CDH13: variants seen among roughly 807,000 people sequenced by gnomAD.
The protein encoded by CDH13 is cadherin-13.
In CDH13, 24 loss-of-function variants were observed where a neutral mutation model predicts 63.8. That is an observed-to-expected ratio of 0.38 (90% CI 0.27 to 0.53). The LOEUF (loss-of-function observed/expected upper bound fraction) is 0.53, where lower values mean the gene tolerates loss of function less well. Among genes scored for constraint, CDH13 ranks in the 20% least tolerant of loss-of-function variants. The probability of loss-of-function intolerance (pLI) is 0.85; values close to 1 mark genes in which losing one functional copy is unlikely to be tolerated. For synonymous variants in CDH13, 503 were observed against 355.3 expected (o/e 1.42, Z -4.67); for missense variants, 1,049 against 903.1 (o/e 1.16, Z -2.07).
chr16:82,781,426 T>A (rs1441353589), intron 1 of CDH13, among the ~76,000 whole-genome samples: 1 of 152,122 alleles, frequency 6.6e-6, no homozygotes, highest in African/African-American at 2.4e-5. Flanking sequence ...TTGTGTACAT[T>A]GGCAACTTGA....
At chr16:83,072,495 C>G (rs1055774671) in intron 3 of CDH13, among the ~76,000 whole-genome samples, 4 of 152,194 alleles carry the variant, frequency 2.6e-5, no homozygotes, top group African/African-American at 9.7e-5. Flanking sequence ...TGCCTGTCCT[C>G]TCTGCAACCA....
intron 5 of CDH13, among the ~76,000 whole-genome samples, chr16:83,295,312 G>C (rs958220900): frequency 2.0e-5 from 3 of 152,114 alleles, no homozygotes; most frequent in Admixed American, 6.6e-5. Context: ...CATGACATTG[G>C]TCTAGGCAAG....
At chr16:83,470,690 G>A (rs80195234) in intron 6 of CDH13, among the ~76,000 whole-genome samples, 15,189 of 152,058 alleles carry the variant, frequency 0.1, 960 homozygotes, top group Admixed American at 0.19. Context: ...ACAACCACAG[G>A]CTCAGCAGAT....
intron 3 of CDH13, among the ~76,000 whole-genome samples, chr16:83,094,612 G>C (rs559982785): frequency 6.6e-6 from 1 of 152,154 alleles, no homozygotes; most frequent in Non-Finnish European, 1.5e-5. Flanking sequence ...TTAGTTTATA[G>C]CTGTCAGCCT....
intron 10 of CDH13, among the ~76,000 whole-genome samples, chr16:83,723,315 G>T (rs1360915427): frequency 6.6e-6 from 1 of 152,196 alleles, no homozygotes; most frequent in Non-Finnish European, 1.5e-5. Context: ...AGAAGTAAAA[G>T]CTTGGAAGGT....
At chr16:83,726,994 C>G (rs929904886) in intron 10 of CDH13, among the ~76,000 whole-genome samples, 6 of 152,162 alleles carry the variant, frequency 3.9e-5, no homozygotes, top group African/African-American at 1.4e-4. Context: ...AGTTATCTTT[C>G]CCATGTATAA....
At chr16:83,175,016 T>C (rs146857546) in intron 4 of CDH13, among the ~76,000 whole-genome samples, 79 of 152,144 alleles carry the variant, frequency 5.2e-4, no homozygotes, top group African/African-American at 1.7e-3. Flanking sequence ...GAGATTTGGG[T>C]GGGGACACAG....
intron 2 of CDH13, among the ~76,000 whole-genome samples, chr16:82,911,054 C>T (rs1028343111): frequency 1.4e-4 from 22 of 152,172 alleles, no homozygotes; most frequent in African/African-American, 5.3e-4. Context: ...AGACCCATCC[C>T]ACCTGGGCTG....
At chr16:83,261,536 C>G (rs1334871218) in intron 5 of CDH13, among the ~76,000 whole-genome samples, 1 of 152,048 alleles carries the variant, frequency 6.6e-6, no homozygotes, top group East Asian at 1.9e-4. Context: ...CTATTAGTAT[C>G]TATTTCTCAT....
chr16:83,514,605 A>G (rs1372925616), intron 7 of CDH13, among the ~76,000 whole-genome samples: 4 of 152,190 alleles, frequency 2.6e-5, no homozygotes, highest in Admixed American at 2.0e-4. Flanking sequence ...AGATCATACC[A>G]CTGCACTCCG....
chr16:82,716,836 A>T (rs1371615178), intron 1 of CDH13, among the ~76,000 whole-genome samples: 1 of 151,586 alleles, frequency 6.6e-6, no homozygotes, highest in African/African-American at 2.4e-5. Context: ...ATAACTATAG[A>T]TCTTCTTTGT....
At chr16:83,104,523 C>G (rs1338764325) in intron 3 of CDH13, among the ~76,000 whole-genome samples, 3 of 151,576 alleles carry the variant, frequency 2.0e-5, no homozygotes, top group Admixed American at 6.6e-5. Context: ...TTAAGGCAAC[C>G]CTAGTGTTTT....
intron 2 of CDH13, among the ~76,000 whole-genome samples, chr16:82,871,805 T>C (rs2040350830): frequency 6.6e-6 from 1 of 152,206 alleles, no homozygotes; most frequent in African/African-American, 2.4e-5. Context: ...CTTTGCTTTC[T>C]ATAATATTGA....
intron 8 of CDH13, among the ~76,000 whole-genome samples, chr16:83,636,641 G>C (rs963510982): frequency 6.6e-5 from 10 of 152,140 alleles, no homozygotes; most frequent in Admixed American, 3.3e-4. Flanking sequence ...AGTATTCCAC[G>C]GTGTTTTCTA....
intron 7 of CDH13, among the ~76,000 whole-genome samples, chr16:83,492,709 C>A (rs762424942): frequency 6.6e-6 from 1 of 152,148 alleles, no homozygotes; most frequent in Non-Finnish European, 1.5e-5. Context: ...AATTTAGTTC[C>A]ATGAGTGCAG....
At chr16:83,567,979 C>A (rs1200514233) in intron 7 of CDH13, among the ~76,000 whole-genome samples, 1 of 152,184 alleles carries the variant, frequency 6.6e-6, no homozygotes, top group African/African-American at 2.4e-5. Flanking sequence ...GAGTGCTGCC[C>A]ACATTCACTT....
intron 5 of CDH13, among the ~76,000 whole-genome samples, chr16:83,316,454 G>C (rs1265434410): frequency 6.6e-6 from 1 of 152,240 alleles, no homozygotes; most frequent in African/African-American, 2.4e-5. Context: ...AAGACAGTCA[G>C]TGCTACCGCT....
At chr16:83,491,837 A>C (rs71402087) in intron 7 of CDH13, among the ~76,000 whole-genome samples, 4 of 152,096 alleles carry the variant, frequency 2.6e-5, no homozygotes, top group Non-Finnish European at 5.9e-5. Context: ...TCAGCTGGTA[A>C]CGCACTTTCT....
chr16:83,743,062 C>A (rs946460901), intron 10 of CDH13, among the ~76,000 whole-genome samples: 1 of 152,146 alleles, frequency 6.6e-6, no homozygotes, highest in African/African-American at 2.4e-5. Context: ...GAAAATTTAG[C>A]CAGGCATGGT....
Sources: gnomAD v4.1 joint callset for allele counts (sites outside exome capture counted in the v4.1 genomes callset) on GRCh38, gnomAD v4.1.1 for gene constraint, MANE v1.5 for transcripts, NCBI Gene and HGNC (gene_info 2026-07-23, HGNC 2026-07-21) for gene names.